Variants in NUDT4 observed in about 807,000 individuals in gnomAD.
NUDT4 encodes diphosphoinositol polyphosphate phosphohydrolase 2.
NUDT4 carries 5 observed loss-of-function variants against 23.1 expected under a neutral mutation model. The ratio of observed to expected loss-of-function variants is 0.22; its 90% CI spans 0.11 to 0.46. The LOEUF (loss-of-function observed/expected upper bound fraction) is 0.46, where lower values mean the gene tolerates loss of function less well. Among genes scored for constraint, NUDT4 ranks in the 20% least tolerant of loss-of-function variants. The pLI is 0.99. For missense variants in NUDT4, 96 were observed against 211.6 expected (o/e 0.45, Z 3.39); for synonymous variants, 50 against 79.0 (o/e 0.63, Z 1.95).
chr12:93,395,005 C>T (rs1488021897), intron 2 of NUDT4, among the ~76,000 whole-genome samples: 2 of 152,038 alleles, frequency 1.3e-5, no homozygotes, highest in Admixed American at 6.6e-5. Context: ...CGTGCCACCG[C>T]GTCTGGCTAA....
At position 93,402,421 on chromosome 12, in the gene NUDT4, G is replaced by A. The variant is rs1877520540; in HGVS notation, c.*3042G>A. 6.6e-6 allele frequency: 1 copy of A among 152,172 alleles called. No homozygotes were observed. The highest frequency in any genetic ancestry group is 6.5e-5 in the Admixed American group (1 of 15,276). The allele number at this position is 152,172 out of a possible 1,614,324, so 9.4% of individuals were successfully genotyped here. On this transcript the variant is annotated 3_prime_UTR_variant, in exon 5 of 5. Transcript: ENST00000415493. ...AAACGTATACCTTTCAGTGCATAGT[G>A]CATTGTGTGCTTACCCTGGGTTGTT...
chr12:93,388,929 G>A (rs118143122), intron 1 of NUDT4, among the ~76,000 whole-genome samples: 1 of 152,178 alleles, frequency 6.6e-6, no homozygotes, highest in Non-Finnish European at 1.5e-5. Flanking sequence ...AGCATGAAAG[G>A]TTCAAAAGTA....
At chr12:93,393,090 CT>C (rs143810374) in intron 1 of NUDT4, among the ~76,000 whole-genome samples, 2,630 of 114,804 alleles carry the variant, frequency 0.023, 29 homozygotes, top group African/African-American at 0.035. Context: ...AGATTTCAGT[CT>C]TTTTTTTTTT....
At chr12:93,384,960 T>C (rs549713120) in intron 1 of NUDT4, among the ~76,000 whole-genome samples, 3 of 152,302 alleles carry the variant, frequency 2.0e-5, no homozygotes, top group African/African-American at 7.2e-5. Flanking sequence ...ATTTAAATTT[T>C]AGTTAAGTTT....
At chr12:93,382,258 T>C (rs1875713599) in intron 1 of NUDT4, among the ~76,000 whole-genome samples, 1 of 128,486 alleles carries the variant, frequency 7.8e-6, no homozygotes, top group Admixed American at 8.4e-5. Flanking sequence ...AGCAAGACCC[T>C]GCCTGCAAAA....
At position 93,384,402 on chromosome 12, in the gene NUDT4, C is replaced by T. The variant is rs976696284; in HGVS notation, c.99+5981C>T. Among the ~76,000 whole-genome samples, 5 of 151,990 alleles carry T rather than the reference C, an allele frequency of 3.3e-5. No homozygotes were observed. The East Asian group carries it at 9.7e-4, about 29-fold the overall frequency. On this transcript the variant is annotated intron_variant, in intron 1 of 4. Transcript: ENST00000415493. The stretch of plus-strand genomic sequence containing the variant: ...CAGGATGGTCTTGATCTCCTGACCT[C>T]GTGATCTGCCCACCTCAGCCTCTCA...
chr12:93,384,663 C>T (rs953546062), intron 1 of NUDT4, among the ~76,000 whole-genome samples: 12 of 152,292 alleles, frequency 7.9e-5, no homozygotes, highest in South Asian at 2.1e-4. Context: ...ATGCAGTCCA[C>T]GGGCCACAGG....
chr12:93,405,826 A>G lies in NUDT4; in HGVS notation c.*6447A>G, dbSNP rs1202647932. ...GTGGCATGCCAAGTAGCTAAATGAA[A>G]TATCATCCCAGCCCAAAAGTACTTA... On this transcript the variant is annotated 3_prime_UTR_variant, in exon 5 of 5. Transcript: ENST00000415493. The G allele has an allele frequency of 6.6e-6, 1 of 152,212 alleles. No homozygotes were observed. The highest frequency in any genetic ancestry group is 1.5e-5 in the Non-Finnish European group (1 of 68,042). The allele number at this position is 152,212 out of a possible 1,614,324, so 9.4% of individuals were successfully genotyped here. A position where few individuals can be genotyped will look rare whatever the true frequency, so the allele number is the denominator to read the frequency against.
intron 1 of NUDT4, among the ~76,000 whole-genome samples, chr12:93,383,371 GTTC>G (rs1339167946): frequency 6.6e-6 from 1 of 152,138 alleles, no homozygotes; most frequent in Non-Finnish European, 1.5e-5. Context: ...CATAACCTAT[GTTC>G]TTTTAAAATG....
In NUDT4 at chr12:93,403,665, CTTTT is replaced by C. The variant is rs1189506246; in HGVS notation, c.*4289_*4292del. 4 of 152,100 alleles carry C rather than the reference CTTTT, an allele frequency of 2.6e-5. No homozygotes were observed. Among genetic ancestry groups the C allele is most frequent in the African/African-American group, 9.7e-5 (4 of 41,414 alleles). The allele number at this position is 152,100 out of a possible 1,614,324, so 9.4% of individuals were successfully genotyped here. ...TTCAGTATTTTTCAAGGTTTTACAG[CTTTT>C]TTATCTATAGACTTATACCATCTTC... On this transcript the variant is annotated 3_prime_UTR_variant, in exon 5 of 5. Transcript: ENST00000415493.
chr12:93,404,179 A>G lies in NUDT4; in HGVS notation c.*4800A>G, dbSNP rs1457969565. Reference sequence around the variant, plus strand: ...TCATTATTTATCAACCTTAAGAAACATGCCTATTGACGAAGTAAATATACT... The same window carrying G: ...TCATTATTTATCAACCTTAAGAAACGTGCCTATTGACGAAGTAAATATACT... On this transcript the variant is annotated 3_prime_UTR_variant, in exon 5 of 5. Transcript: ENST00000415493. The G allele has an allele frequency of 6.6e-6, 1 of 152,218 alleles. No homozygotes were observed. 9.4% of individuals were successfully genotyped at this position (152,218 alleles called of 1,614,324 possible). A position where few individuals can be genotyped will look rare whatever the true frequency, so the allele number is the denominator to read the frequency against.
At chr12:93,392,034 C>G (rs752590321) in intron 1 of NUDT4, among the ~76,000 whole-genome samples, 1 of 151,922 alleles carries the variant, frequency 6.6e-6, no homozygotes, top group Non-Finnish European at 1.5e-5. Flanking sequence ...CAGGAATGTG[C>G]TACCACACCC....
chr12:93,386,665 T>C (rs987283663), intron 1 of NUDT4, among the ~76,000 whole-genome samples: 1 of 152,012 alleles, frequency 6.6e-6, no homozygotes, highest in Admixed American at 6.6e-5. Context: ...AATGTGAGTA[T>C]GTAACTAGTA....
intron 1 of NUDT4, 24 bp from the exon 2 acceptor site, chr12:93,394,585 A>AT: frequency 7.2e-7 from 1 of 1,386,572 alleles, no homozygotes; most frequent in Non-Finnish European, 1.0e-6. Context: ...GGCTGGAAGT[A>AT]TACAGTTATG....
intron 1 of NUDT4, among the ~76,000 whole-genome samples, chr12:93,380,503 A>G (rs1047736238): frequency 2.0e-5 from 3 of 152,248 alleles, no homozygotes; most frequent in African/African-American, 4.8e-5. Context: ...AGAAAAATCC[A>G]TTGTATAAAA....
At chr12:93,389,194 T>G (rs1015784798) in intron 1 of NUDT4, among the ~76,000 whole-genome samples, 8 of 152,126 alleles carry the variant, frequency 5.3e-5, no homozygotes, top group Admixed American at 5.2e-4. Context: ...TACATTTGGC[T>G]GGGTGTGGTG....
intron 1 of NUDT4, among the ~76,000 whole-genome samples, chr12:93,391,199 GAGA>G (rs775890208): frequency 6.6e-6 from 1 of 151,994 alleles, no homozygotes; most frequent in Non-Finnish European, 1.5e-5. Flanking sequence ...AGGCCAAGGT[GAGA>G]AGATCACTTG....
chr12:93,389,634 G>T (rs930914946), intron 1 of NUDT4, among the ~76,000 whole-genome samples: 2 of 152,040 alleles, frequency 1.3e-5, no homozygotes, highest in African/African-American at 4.8e-5. Flanking sequence ...CGGGCGCGGT[G>T]GCTGACACCT....
chr12:93,402,440 G>A lies in NUDT4; in HGVS notation c.*3061G>A, dbSNP rs1877523247. 1 of 152,108 alleles carries A rather than the reference G, an allele frequency of 6.6e-6. No homozygotes were observed. Among genetic ancestry groups the A allele is most frequent in the Non-Finnish European group, 1.5e-5 (1 of 68,022 alleles). The allele number at this position is 152,108 out of a possible 1,614,324, so 9.4% of individuals were successfully genotyped here. A position where few individuals can be genotyped will look rare whatever the true frequency, so the allele number is the denominator to read the frequency against. Reference sequence around the variant, plus strand: ...CATAGTGCATTGTGTGCTTACCCTGGGTTGTTTAAACTTGTGTTCAAATAT... The same window carrying A: ...CATAGTGCATTGTGTGCTTACCCTGAGTTGTTTAAACTTGTGTTCAAATAT... On this transcript the variant is annotated 3_prime_UTR_variant, in exon 5 of 5. Coordinates refer to ENST00000415493, the MANE Select transcript of NUDT4 (RefSeq NM_019094.6).
Sources: allele counts gnomAD v4.1 joint callset (sites outside exome capture counted in the v4.1 genomes callset), GRCh38; gene constraint gnomAD v4.1.1; transcripts MANE v1.5; gene names NCBI Gene and HGNC (gene_info 2026-07-23, HGNC 2026-07-21).